Variants in ZNF236 observed in about 807,000 individuals in gnomAD.
ZNF236 encodes the protein zinc finger protein 236, also known as regulated by glucose.
In ZNF236, 50 loss-of-function variants were observed where a neutral mutation model predicts 191.2. The observed-to-expected ratio is 0.26, with a 90% CI of 0.21 to 0.33. ZNF236 has a LOEUF of 0.33. ZNF236 is among the 10% of genes least tolerant of loss of function. The pLI is 1.00. For synonymous variants in ZNF236, 907 were observed against 928.8 expected, an observed-to-expected ratio of 0.98 and a Z score of 0.43; for missense variants, 1,754 against 2,374.5, an observed-to-expected ratio of 0.74 and a Z score of 5.43.
At chr18:76,858,061 G>A (rs1042190249) in intron 3 of ZNF236, among the ~76,000 whole-genome samples, 3 of 152,056 alleles carry the variant, frequency 2.0e-5, no homozygotes, top group Non-Finnish European at 4.4e-5. Context: ...CGATGCATTT[G>A]TGTGTGTTAG....
chr18:76,874,048 G>A (rs1311345076), intron 5 of ZNF236, among the ~76,000 whole-genome samples: 1 of 147,162 alleles, frequency 6.8e-6, no homozygotes, highest in Non-Finnish European at 1.5e-5. Flanking sequence ...CTGTCCCCAC[G>A]CAGGCAGTCC....
At chr18:76,860,681 T>C (rs994532243) in intron 3 of ZNF236, among the ~76,000 whole-genome samples, 2 of 152,230 alleles carry the variant, frequency 1.3e-5, no homozygotes, top group African/African-American at 4.8e-5. Context: ...GTTCTGTTTG[T>C]AAAACTCCAG....
In ZNF236 at chr18:76,941,171, C is replaced by T. The variant is rs567815104; in HGVS notation, c.4782+3828C>T. ...AAGGGTCACCCAGGAGCCTTGTGAG[C>T]GGGCAGGTGGTTCTCCAAGCAGGTT... is the stretch of plus-strand genomic sequence containing the variant. On this transcript the variant is annotated intron_variant, in intron 26 of 30. Coordinates refer to ENST00000320610, the MANE Select transcript of ZNF236 (RefSeq NM_001306089.2). 6.6e-5 allele frequency among the ~76,000 whole-genome samples: 10 copies of T among 152,178 alleles called. No homozygotes were observed. The South Asian group carries it at 1.2e-3, about 19-fold the overall frequency.
At chr18:76,871,592 A>C in intron 4 of ZNF236, 109 bp from the exon 5 acceptor site, 1 of 1,217,246 alleles carries the variant, frequency 8.2e-7, no homozygotes. Context: ...TATCATTAAA[A>C]CAGGTTCTGA....
chr18:76,964,694 A>G (rs1968733627), intron 30 of ZNF236, among the ~76,000 whole-genome samples: 1 of 150,282 alleles, frequency 6.7e-6, no homozygotes, highest in South Asian at 2.1e-4. Flanking sequence ...GTTGCTGTCT[A>G]TCTCATTTTT....
Position 76,937,224 on chromosome 18 carries a change from A to T in ZNF236, c.4663A>T (p.Asn1555Tyr). The T allele has an allele frequency of 6.2e-7, 1 of 1,614,198 alleles. No individual in the cohort carries two copies. The highest frequency in any genetic ancestry group is 8.5e-7 in the Non-Finnish European group (1 of 1,180,030). ...GTCTCCATCGGCCATCTCGACTCAG[A>T]ACCTGGTCATGTCCTCGTCGGGCGT... ...PMSPSAISTQNLVMSSSGVGG... is the reference protein window; with the variant it reads ...PMSPSAISTQYLVMSSSGVGG... The change falls in exon 26 of 31, where the codon AAC becomes TAC. Residue 1555 changes from asparagine (N) to tyrosine (Y), a missense_variant. Transcript: ENST00000320610.
At chr18:76,961,412 T>C (rs1968664901) in intron 30 of ZNF236, among the ~76,000 whole-genome samples, 1 of 152,004 alleles carries the variant, frequency 6.6e-6, no homozygotes, top group Admixed American at 6.6e-5. Flanking sequence ...TGTGTATTTA[T>C]GTATATAAAT....
chr18:76,851,012 C>T (rs968114315), intron 2 of ZNF236, among the ~76,000 whole-genome samples: 9 of 147,850 alleles, frequency 6.1e-5, no homozygotes, highest in East Asian at 2.0e-4. Context: ...TGAATTTATA[C>T]GCAGCTTTTT....
At chr18:76,839,216 G>C (rs887139611) in intron 1 of ZNF236, among the ~76,000 whole-genome samples, 2 of 152,198 alleles carry the variant, frequency 1.3e-5, no homozygotes, top group African/African-American at 4.8e-5. Context: ...GTGCACATAC[G>C]TACACATTTC....
chr18:76,923,029 AGTCGTTT>A (rs770620789), intron 20 of ZNF236, 35 bp from the exon 21 acceptor site: 2 of 1,381,758 alleles, frequency 1.4e-6, no homozygotes, highest in African/African-American at 2.9e-5. Context: ...CAAATCATGA[AGTCGTTT>A]GTCAATATGT....
chr18:76,959,633 A>G, intron 28 of ZNF236, 54 bp from the exon 29 acceptor site: 2 of 1,548,788 alleles, frequency 1.3e-6, no homozygotes, highest in Non-Finnish European at 1.7e-6. Flanking sequence ...TCTTGTTTCT[A>G]GTCTCGAAAG....
chr18:76,948,240 A>T (rs1455447235), intron 27 of ZNF236, among the ~76,000 whole-genome samples: 1 of 152,212 alleles, frequency 6.6e-6, no homozygotes, highest in East Asian at 1.9e-4. Context: ...CAGATGATGA[A>T]TAATCTCTGA....
chr18:76,828,878 G>A (rs761726184), intron 1 of ZNF236, among the ~76,000 whole-genome samples: 18 of 152,154 alleles, frequency 1.2e-4, no homozygotes, highest in Non-Finnish European at 2.2e-4. Context: ...TGTTGCCCAG[G>A]CTGGTCTTGA....
intron 26 of ZNF236, among the ~76,000 whole-genome samples, chr18:76,947,034 C>T (rs1484974487): frequency 6.6e-6 from 1 of 152,120 alleles, no homozygotes; most frequent in Non-Finnish European, 1.5e-5. Flanking sequence ...CCATGTTCCC[C>T]CGACCCCCGG....
intron 1 of ZNF236, among the ~76,000 whole-genome samples, chr18:76,825,619 G>A (rs1974992733): frequency 6.6e-6 from 1 of 151,982 alleles, no homozygotes; most frequent in Non-Finnish European, 1.5e-5. Context: ...AACTATTTTT[G>A]GGGAAGACAT....
At chr18:76,914,766 T>C (rs923877914) in intron 18 of ZNF236, among the ~76,000 whole-genome samples, 1 of 152,252 alleles carries the variant, frequency 6.6e-6, no homozygotes, top group African/African-American at 2.4e-5. Flanking sequence ...TTCTGGCTAC[T>C]GGACCTTTAT....
chr18:76,825,561 C>G (rs1974990997), intron 1 of ZNF236, among the ~76,000 whole-genome samples: 1 of 152,090 alleles, frequency 6.6e-6, no homozygotes. Context: ...CAACTGTCTT[C>G]TGTTAATCGA....
chr18:76,843,486 TAAAAG>T (rs1373289365), intron 1 of ZNF236, among the ~76,000 whole-genome samples: 1 of 151,700 alleles, frequency 6.6e-6, no homozygotes, highest in African/African-American at 2.4e-5. Flanking sequence ...GAGTTTTAAA[TAAAAG>T]AAGAGGCCGG....
chr18:76,933,875 G>C (rs1252788301), intron 25 of ZNF236, among the ~76,000 whole-genome samples: 1 of 152,208 alleles, frequency 6.6e-6, no homozygotes, highest in Non-Finnish European at 1.5e-5. Context: ...TATAGTAGTA[G>C]TTAGGAGATT....
Sources: allele counts gnomAD v4.1 joint callset (sites outside exome capture counted in the v4.1 genomes callset), GRCh38; gene constraint gnomAD v4.1.1; transcripts MANE v1.5; gene names NCBI Gene and HGNC (gene_info 2026-07-23, HGNC 2026-07-21).